SNX29: variants seen among roughly 807,000 people sequenced by gnomAD.
SNX29 encodes sorting nexin 29.
In SNX29, 78 loss-of-function variants were observed where a neutral mutation model predicts 102.1. The ratio of observed to expected loss-of-function variants is 0.76; its 90% CI spans 0.64 to 0.92. SNX29 has a LOEUF of 0.92. Among genes scored for constraint, SNX29 ranks in the 40% least tolerant of loss-of-function variants. The probability of loss-of-function intolerance (pLI) is 0.00; values close to 1 mark genes in which losing one functional copy is unlikely to be tolerated. For synonymous variants in SNX29, 580 were observed against 414.5 expected (o/e 1.40, Z -4.85); for missense variants, 1,280 against 1,061.7 (o/e 1.21, Z -2.86).
intron 15 of SNX29, among the ~76,000 whole-genome samples, chr16:12,310,325 A>G (rs958502114): frequency 6.6e-6 from 1 of 152,228 alleles, no homozygotes; most frequent in Non-Finnish European, 1.5e-5. Flanking sequence ...CTAGGTTTTT[A>G]TCCTAGAGAA....
intron 13 of SNX29, among the ~76,000 whole-genome samples, chr16:12,149,224 C>A (rs1021920573): frequency 3.3e-5 from 5 of 152,302 alleles, no homozygotes; most frequent in Non-Finnish European, 7.4e-5. Context: ...GTGTTCTTGG[C>A]AGCAGGAAGG....
intron 9 of SNX29, 143 bp downstream of exon 9, chr16:12,061,789 C>T (rs571634394): frequency 5.3e-5 from 35 of 663,700 alleles, no homozygotes; most frequent in South Asian, 5.2e-4. Flanking sequence ...AGGGGGAGCT[C>T]ACTGAGATGC....
intron 9 of SNX29, among the ~76,000 whole-genome samples, chr16:12,065,785 G>A (rs1430752933): frequency 6.6e-6 from 1 of 152,152 alleles, no homozygotes; most frequent in Non-Finnish European, 1.5e-5. Flanking sequence ...TCTTCCCACT[G>A]GATCACTGGA....
At chr16:11,988,876 C>T (rs183470636) in intron 1 of SNX29, among the ~76,000 whole-genome samples, 374 of 152,258 alleles carry the variant, frequency 2.5e-3, no homozygotes, top group Admixed American at 4.3e-3. Flanking sequence ...GCTGCAATGG[C>T]AGAATTGAGT....
At chr16:12,447,284 G>A (rs1043846278) in intron 18 of SNX29, among the ~76,000 whole-genome samples, 37 of 151,246 alleles carry the variant, frequency 2.4e-4, no homozygotes, top group African/African-American at 8.8e-4. Flanking sequence ...AGTCCCATCG[G>A]CTTAGCATGA....
At chr16:12,280,070 A>G (rs1474678792) in intron 15 of SNX29, among the ~76,000 whole-genome samples, 1 of 152,056 alleles carries the variant, frequency 6.6e-6, no homozygotes, top group South Asian at 2.1e-4. Context: ...CCTCTGATTG[A>G]TTGGGTGTTT....
chr16:12,473,588 G>A lies in SNX29; in HGVS notation c.2038-4131G>A, dbSNP rs539893654. ...CCATCTTGAATAGGGGCTGGGTAAAGTGAGGCTGAGACCTACTGGGCTGCA... is the reference window on the plus strand; with the variant it reads ...CCATCTTGAATAGGGGCTGGGTAAAATGAGGCTGAGACCTACTGGGCTGCA... On this transcript the variant is annotated intron_variant, in intron 18 of 20. Transcript: ENST00000566228. 2.6e-5 allele frequency among the ~76,000 whole-genome samples: 4 copies of A among 152,354 alleles called. No homozygotes were observed. The East Asian group carries it at 7.7e-4, about 29-fold the overall frequency.
At chr16:12,270,556 A>T (rs953256306) in intron 14 of SNX29, among the ~76,000 whole-genome samples, 1 of 152,208 alleles carries the variant, frequency 6.6e-6, no homozygotes, top group Admixed American at 6.5e-5. Flanking sequence ...CACCTTTGGC[A>T]GTTGAGAGAT....
intron 19 of SNX29, among the ~76,000 whole-genome samples, chr16:12,512,658 C>T (rs1351069955): frequency 6.6e-6 from 1 of 151,942 alleles, no homozygotes; most frequent in Non-Finnish European, 1.5e-5. Flanking sequence ...GATGGATTCT[C>T]TCTACCATGG....
At chr16:12,073,005 G>A (rs867944201) in intron 10 of SNX29, among the ~76,000 whole-genome samples, 3 of 151,664 alleles carry the variant, frequency 2.0e-5, no homozygotes, top group South Asian at 2.1e-4. Flanking sequence ...CTGTGGGATC[G>A]GTGGTGATAT....
chr16:12,348,476 TC>T (rs1223491379), intron 15 of SNX29, among the ~76,000 whole-genome samples: 2 of 152,198 alleles, frequency 1.3e-5, no homozygotes, highest in Non-Finnish European at 2.9e-5. Context: ...ACATGGCTTT[TC>T]CCCTCTGCCT....
chr16:12,163,265 C>A (rs2055869305), intron 13 of SNX29, among the ~76,000 whole-genome samples: 1 of 152,178 alleles, frequency 6.6e-6, no homozygotes, highest in Non-Finnish European at 1.5e-5. Context: ...AAAGGCGGGA[C>A]TGGCCTCCCT....
chr16:12,450,424 A>T (rs2151711433), intron 18 of SNX29, among the ~76,000 whole-genome samples: 1 of 152,310 alleles, frequency 6.6e-6, no homozygotes, highest in South Asian at 2.1e-4. Flanking sequence ...ACTTGACTTC[A>T]AGTCAGTGAG....
In SNX29 at chr16:12,519,086, C is replaced by T. The variant is rs537799300; in HGVS notation, c.2179-5616C>T. On this transcript the variant is annotated intron_variant, in intron 19 of 20. Transcript: ENST00000566228. Reference sequence around the variant, plus strand: ...ATGTGGTCCGCTAATCAGGCACTCCCGGCTTAGCCCCTACCCACTGGCAGG... The same window carrying T: ...ATGTGGTCCGCTAATCAGGCACTCCTGGCTTAGCCCCTACCCACTGGCAGG... 1.4e-4 allele frequency among the ~76,000 whole-genome samples: 21 copies of T among 152,290 alleles called. No homozygotes were observed. The East Asian group carries it at 3.5e-3, about 25-fold the overall frequency.
intron 3 of SNX29, among the ~76,000 whole-genome samples, chr16:12,023,878 C>T (rs1341610398): frequency 8.5e-5 from 13 of 152,204 alleles, no homozygotes; most frequent in Non-Finnish European, 1.5e-5. Context: ...TATACGAAAT[C>T]TCCTGAGATG....
chr16:12,102,887 A>G lies in SNX29; in HGVS notation c.1403-23746A>G, dbSNP rs145760368. 8.1e-3 allele frequency among the ~76,000 whole-genome samples: 1,231 copies of G among 152,334 alleles called. 16 individuals carry two copies. Among genetic ancestry groups the G allele is most frequent in the African/African-American group, 0.028 (1,172 of 41,566 alleles). ...GTCTCTGGATATAAAATCAATGTGC[A>G]AAAATCACAAGCATTCCTATACACT... On this transcript the variant is annotated intron_variant, in intron 11 of 20. Transcript: ENST00000566228.
chr16:12,460,693 T>C (rs1445136312), intron 18 of SNX29, among the ~76,000 whole-genome samples: 1 of 150,580 alleles, frequency 6.6e-6, no homozygotes, highest in Non-Finnish European at 1.5e-5. Flanking sequence ...AGTCTAGCTC[T>C]GTTGCCTAGG....
At chr16:12,555,756 C>G (rs1053410043) in intron 20 of SNX29, among the ~76,000 whole-genome samples, 1 of 151,948 alleles carries the variant, frequency 6.6e-6, no homozygotes, top group East Asian at 1.9e-4. Flanking sequence ...ACAACTCCAA[C>G]TAGCCTTCAG....
At chr16:12,085,983 CT>C (rs2052153510) in intron 11 of SNX29, among the ~76,000 whole-genome samples, 2 of 151,054 alleles carry the variant, frequency 1.3e-5, no homozygotes, top group Admixed American at 1.3e-4. Context: ...GGTGTTCTTA[CT>C]CCAAAACCTA....
Sources: allele counts gnomAD v4.1 joint callset (sites outside exome capture counted in the v4.1 genomes callset), GRCh38; gene constraint gnomAD v4.1.1; transcripts MANE v1.5; gene names NCBI Gene and HGNC (gene_info 2026-07-23, HGNC 2026-07-21).